The following DMD variants were observed in gnomAD, a reference collection of about 807,000 sequenced individuals.
DMD encodes the protein dystrophin, also known as mutant dystrophin.
A neutral mutation model predicts 330.1 loss-of-function variants in DMD; 63 were observed. The observed-to-expected ratio is 0.19, with a 90% confidence interval of 0.16 to 0.24. DMD has a LOEUF of 0.24. Among genes scored for constraint, DMD ranks in the 10% least tolerant of loss-of-function variants. The pLI, the probability that DMD is intolerant of heterozygous loss-of-function variation, is 1.00. For missense variants in DMD, 3,344 were observed against 2,684.1 expected, an observed-to-expected ratio of 1.25 and a Z score of -5.43; for synonymous variants, 1,223 against 959.8, an observed-to-expected ratio of 1.27 and a Z score of -5.07.
At chrX:32,129,000 C>T (rs2096674762) in intron 44 of DMD, among the ~76,000 whole-genome samples, 1 of 111,069 alleles carries the variant, frequency 9.0e-6, no homozygotes, top group Admixed American at 9.6e-5. Context: ...TATCTAAGGC[C>T]CCACCTCTAA....
intron 2 of DMD, among the ~76,000 whole-genome samples, chrX:32,901,588 T>A (rs2086249610): frequency 9.0e-6 from 1 of 111,306 alleles, no homozygotes; most frequent in South Asian, 3.7e-4. Context: ...ATATTCCACC[T>A]AGTCATGTGC....
chrX:32,295,123 C>G (rs1314768598), intron 42 of DMD, among the ~76,000 whole-genome samples: 1 of 111,628 alleles, frequency 9.0e-6, no homozygotes, highest in Non-Finnish European at 1.9e-5. Context: ...TTCACTATTC[C>G]GCTGAAATTC....
chrX:32,864,496 C>T (rs1462939429), intron 2 of DMD, among the ~76,000 whole-genome samples: 1 of 112,151 alleles, frequency 8.9e-6, no homozygotes, highest in Non-Finnish European at 1.9e-5. Flanking sequence ...TTTCTTCTAT[C>T]ATTTCCAAAA....
rs201977313 is a variant in DMD, at chrX:32,939,196, A to ATG, written c.93+80941_93+80942dup. Among the ~76,000 whole-genome samples, 13 of 84,589 alleles carry ATG rather than the reference A, an allele frequency of 1.5e-4. No homozygotes were observed. The East Asian group carries it at 5.0e-3, about 33-fold the overall frequency. The allele number at this position is 84,589 out of a possible 115,157, so 73.5% of individuals were successfully genotyped here. A position where few individuals can be genotyped will look rare whatever the true frequency, so the allele number is the denominator to read the frequency against. On this transcript the variant is annotated intron_variant, in intron 2 of 78. Coordinates refer to ENST00000357033, the MANE Select transcript of DMD (RefSeq NM_004006.3). ...TCACCAAATAATCTTCTAAATATATATGTGTATATATATATATTTGAGATA... is the reference window on the plus strand; with the variant it reads ...TCACCAAATAATCTTCTAAATATATATGTGTGTATATATATATATTTGAGATA...
chrX:32,645,989 A>G (rs2059758712), intron 9 of DMD, among the ~76,000 whole-genome samples: 1 of 111,636 alleles, frequency 9.0e-6, no homozygotes, highest in Non-Finnish European at 1.9e-5. Context: ...TCCAATATCT[A>G]GCTTAAAGGT....
chrX:32,735,050 A>G (rs1457837105), intron 7 of DMD, among the ~76,000 whole-genome samples: 2 of 111,278 alleles, frequency 1.8e-5, no homozygotes, highest in African/African-American at 6.6e-5. Context: ...TTAAGCTGAT[A>G]GGGAACTTCA....
intron 67 of DMD, among the ~76,000 whole-genome samples, chrX:31,183,496 T>C (rs1011111999): frequency 9.0e-6 from 1 of 111,488 alleles, no homozygotes; most frequent in Non-Finnish European, 1.9e-5. Flanking sequence ...GCTGTTTTCA[T>C]GATGCCCTGT....
chrX:32,342,412 A>C, intron 40 of DMD, 130 bp from the exon 41 acceptor site: 1 of 657,749 alleles, frequency 1.5e-6, no homozygotes, highest in Non-Finnish European at 2.3e-6. Flanking sequence ...GAAGTTTACA[A>C]ATATGAAAGG....
intron 50 of DMD, among the ~76,000 whole-genome samples, chrX:31,785,974 G>A (rs1377475933): frequency 8.9e-6 from 1 of 111,766 alleles, no homozygotes; most frequent in Non-Finnish European, 1.9e-5. Flanking sequence ...CCAGTAATGG[G>A]ATGGCTGAGT....
chrX:32,341,097 G>A (rs55716793), intron 41 of DMD, among the ~76,000 whole-genome samples: 18,297 of 111,242 alleles, frequency 0.16, 1,331 homozygotes, highest in African/African-American at 0.27. Context: ...AAATGGAACT[G>A]ACACTATCAC....
chrX:31,282,365 A>G (rs149642077), intron 62 of DMD, among the ~76,000 whole-genome samples: 5,471 of 111,158 alleles, frequency 0.049, 126 homozygotes, highest in African/African-American at 0.078. Flanking sequence ...GGGAAAAGTG[A>G]TTAATCACTT....
intron 1 of DMD, among the ~76,000 whole-genome samples, chrX:33,217,440 G>T (rs980940361): frequency 9.0e-6 from 1 of 111,357 alleles, no homozygotes; most frequent in Admixed American, 9.6e-5. Context: ...GTTTATTTAA[G>T]TCTTTGCATT....
rs755880231 is a variant in DMD at position 32,351,557 on chromosome X, G to A, written c.5326-3029C>T. ...ATACCACAGATACAGTCAGTGGGGT[G>A]TGTTCCCTAGACATCCTATGGAGCT... On this transcript the variant is annotated intron_variant, in intron 37 of 78. Transcript: ENST00000357033. 4.6e-5 allele frequency among the ~76,000 whole-genome samples: 5 copies of A among 108,989 alleles called. No individual in the cohort carries two copies. The South Asian group carries it at 2.0e-3, about 43-fold the overall frequency. 94.6% of individuals were successfully genotyped at this position (108,989 alleles called of 115,157 possible).
chrX:32,400,006 T>C (rs1313561366), intron 30 of DMD, among the ~76,000 whole-genome samples: 1 of 110,631 alleles, frequency 9.0e-6, no homozygotes, highest in Non-Finnish European at 1.9e-5. Context: ...TGAATAGGAG[T>C]GGTGAGAGAG....
At chrX:32,041,728 C>G (rs1028631594) in intron 44 of DMD, among the ~76,000 whole-genome samples, 1 of 110,060 alleles carries the variant, frequency 9.1e-6, no homozygotes, top group Non-Finnish European at 1.9e-5. Flanking sequence ...TCATCATTGT[C>G]TCACTATTTA....
chrX:32,294,626 A>G (rs2097487961), intron 42 of DMD, among the ~76,000 whole-genome samples: 1 of 111,243 alleles, frequency 9.0e-6, no homozygotes, highest in African/African-American at 3.3e-5. Context: ...GAAAAGCAAA[A>G]AGCAAAAACT....
chrX:32,148,184 T>G (rs1280299964), intron 44 of DMD, among the ~76,000 whole-genome samples: 1 of 111,193 alleles, frequency 9.0e-6, no homozygotes, highest in African/African-American at 3.3e-5. Context: ...GCCAAAAAAT[T>G]TCTTATTTAT....
intron 48 of DMD, among the ~76,000 whole-genome samples, chrX:31,837,198 T>C (rs1332751498): frequency 2.7e-5 from 3 of 112,410 alleles, no homozygotes; most frequent in African/African-American, 9.7e-5. Flanking sequence ...ACTTATTGTT[T>C]TACAAAATTC....
intron 1 of DMD, among the ~76,000 whole-genome samples, chrX:33,076,846 C>T (rs950458166): frequency 9.0e-6 from 1 of 111,627 alleles, no homozygotes; most frequent in African/African-American, 3.3e-5. Flanking sequence ...TCAGAGCCAG[C>T]TGTGCGGGAG....
Sources: allele counts gnomAD v4.1 joint callset (sites outside exome capture counted in the v4.1 genomes callset), GRCh38; gene constraint gnomAD v4.1.1; transcripts MANE v1.5; gene names NCBI Gene and HGNC (gene_info 2026-07-23, HGNC 2026-07-21).